SETD3: variants seen among roughly 807,000 people sequenced by gnomAD.
The protein encoded by SETD3 is actin-histidine N-methyltransferase.
A neutral mutation model predicts 63.0 loss-of-function variants in SETD3; 19 were observed. The observed-to-expected ratio is 0.30, with a 90% CI of 0.21 to 0.44. SETD3 has a LOEUF of 0.44. Ranked by LOEUF, SETD3 falls within the 20% of genes least tolerant of loss-of-function variation. SETD3 has a pLI of 1.00. For missense variants in SETD3, 587 were observed against 728.5 expected, an observed-to-expected ratio of 0.81 and a Z score of 2.24; for synonymous variants, 286 against 264.1, an observed-to-expected ratio of 1.08 and a Z score of -0.80.
At chr14:99,446,087 G>A (rs1281704953) in intron 6 of SETD3, among the ~76,000 whole-genome samples, 4 of 152,146 alleles carry the variant, frequency 2.6e-5, no homozygotes, top group South Asian at 2.1e-4. Context: ...CTCAGCTTCC[G>A]CCTTGACTGG....
chr14:99,404,553 C>T (rs1201064569), intron 10 of SETD3, among the ~76,000 whole-genome samples: 2 of 152,162 alleles, frequency 1.3e-5, no homozygotes, highest in Admixed American at 6.5e-5. Flanking sequence ...TTTCCTAGAG[C>T]CTAACAGCTG....
At chr14:99,439,879 C>T (rs986218110) in intron 6 of SETD3, among the ~76,000 whole-genome samples, 2 of 152,106 alleles carry the variant, frequency 1.3e-5, no homozygotes, top group African/African-American at 4.8e-5. Context: ...GCAACCATCA[C>T]TTCCTGGGCT....
At chr14:99,418,742 G>C (rs866150967) in intron 6 of SETD3, among the ~76,000 whole-genome samples, 5 of 152,214 alleles carry the variant, frequency 3.3e-5, no homozygotes, top group African/African-American at 7.2e-5. Context: ...CAATCAGAGA[G>C]AGAATGGGAG....
intron 8 of SETD3, chr14:99,412,435 C>CA (rs1892046612): frequency 6.5e-6 from 1 of 153,212 alleles, no homozygotes; most frequent in Non-Finnish European, 1.5e-5. Context: ...GTAACAAACA[C>CA]AGGTTCATAA....
rs1895647281 is a variant in SETD3 at position 99,470,587 on chromosome 14, C to T, written c.-8-4774G>A. ...TCCAGGGCTCTTCCAGTAAGCCTCC[C>T]CACTGGCTGGGTCTACCCTGTCCGA... On this transcript the variant is annotated intron_variant, in intron 1 of 12. Transcript: ENST00000331768. Among the ~76,000 whole-genome samples, 3 of 152,214 alleles carry T rather than the reference C, an allele frequency of 2.0e-5. No homozygotes were observed. The South Asian group carries it at 6.2e-4, about 32-fold the overall frequency.
rs35026455 is a variant in SETD3 at position 99,461,306 on chromosome 14, A to G, written c.231T>C (p.Asp77=). Residue 77 remains aspartate, a synonymous_variant, in exon 4 of 13, where the codon GAT becomes GAC. Transcript: ENST00000331768. ...LSVTFDGKRE[D]YFPDLMKWAS... ...CCCATTTCATTAGATCAGGAAAGTA[A>G]TCTTCTCTTTTTCCATCAAAAGTAA... The G allele has an allele frequency of 1.8e-3, 2,870 of 1,614,132 alleles. 41 individuals carry two copies. In the African/African-American group the frequency reaches 0.032, roughly 18 times the overall value.
intron 6 of SETD3, among the ~76,000 whole-genome samples, chr14:99,440,766 A>G (rs554919971): frequency 2.0e-4 from 31 of 152,052 alleles, no homozygotes; most frequent in Admixed American, 9.8e-4. Context: ...GGGGCTTGAC[A>G]GTGTTGTGGG....
At chr14:99,441,481 G>A (rs955496477) in intron 6 of SETD3, among the ~76,000 whole-genome samples, 1 of 152,254 alleles carries the variant, frequency 6.6e-6, no homozygotes, top group Non-Finnish European at 1.5e-5. Context: ...CTCCAGGGAA[G>A]GGGACAGATG....
chr14:99,405,548 T>G (rs1891635086), intron 9 of SETD3, among the ~76,000 whole-genome samples, 177 bp from the exon 10 acceptor site: 1 of 152,074 alleles, frequency 6.6e-6, no homozygotes, highest in African/African-American at 2.4e-5. Flanking sequence ...TTCCCAACTT[T>G]CCAAACTGTC....
Position 99,398,670 on chromosome 14 carries a change from C to T in SETD3, c.*9G>A. On this transcript the variant is annotated 3_prime_UTR_variant, in exon 13 of 13. Coordinates refer to ENST00000331768, the MANE Select transcript of SETD3 (RefSeq NM_032233.3). ...CTCCACTGGATCCCCCATCCAGCTT[C>T]ACCTCGAGCTACTCCTTAACTCCAG... The T allele has an allele frequency of 6.2e-7, 1 of 1,609,036 alleles. No individual in the cohort carries two copies. The highest frequency in any genetic ancestry group is 8.5e-7 in the Non-Finnish European group (1 of 1,176,180).
Position 99,404,948 on chromosome 14 carries a change from T to C in SETD3, c.1091+257A>G, listed in dbSNP as rs571996114. ...AAAGACATGAATGATACGAAAGTAG[T>C]TATTTAACTTAATGAGGATTTCAGG... On this transcript the variant is annotated intron_variant, in intron 10 of 12. Coordinates refer to ENST00000331768, the MANE Select transcript of SETD3 (RefSeq NM_032233.3). 2.0e-5 allele frequency among the ~76,000 whole-genome samples: 3 copies of C among 152,316 alleles called. No homozygotes were observed. The South Asian group carries it at 6.2e-4, about 32-fold the overall frequency.
At chr14:99,474,773 T>C (rs1003632399) in intron 1 of SETD3, among the ~76,000 whole-genome samples, 1 of 152,146 alleles carries the variant, frequency 6.6e-6, no homozygotes, top group Non-Finnish European at 1.5e-5. Context: ...AAGGTTGCAA[T>C]GAGCCAAGAT....
At chr14:99,405,135 A>G in intron 10 of SETD3, 70 bp downstream of exon 10, 6 of 1,537,986 alleles carry the variant, frequency 3.9e-6, no homozygotes, top group South Asian at 2.6e-5. Flanking sequence ...TAACACACCA[A>G]TTAAACACTA....
intron 8 of SETD3, among the ~76,000 whole-genome samples, chr14:99,408,424 A>C (rs896303901): frequency 2.0e-5 from 3 of 152,154 alleles, no homozygotes; most frequent in Non-Finnish European, 4.4e-5. Context: ...CACCTTGACA[A>C]CAAAGTGGAA....
chr14:99,445,327 T>G (rs923521990), intron 6 of SETD3, among the ~76,000 whole-genome samples: 1 of 152,256 alleles, frequency 6.6e-6, no homozygotes, highest in Non-Finnish European at 1.5e-5. Context: ...CAACTCACTA[T>G]ACATTCACTC....
chr14:99,401,090 G>C (rs1891364796), intron 11 of SETD3, among the ~76,000 whole-genome samples: 1 of 149,814 alleles, frequency 6.7e-6, no homozygotes, highest in African/African-American at 2.5e-5. Flanking sequence ...AGTGAGCTGT[G>C]ATCGCACCAC....
At chr14:99,452,253 C>T (rs1470720378) in intron 6 of SETD3, among the ~76,000 whole-genome samples, 2 of 152,176 alleles carry the variant, frequency 1.3e-5, no homozygotes, top group Non-Finnish European at 2.9e-5. Context: ...ATTACAGTCA[C>T]GCTCCACCAC....
rs559595993 is a variant in SETD3 at position 99,467,302 on chromosome 14, T to C, written c.-8-1489A>G. Among the ~76,000 whole-genome samples the C allele has an allele frequency of 4.6e-5, 7 of 152,296 alleles. No homozygotes were observed. In the East Asian group the frequency reaches 1.2e-3, roughly 25 times the overall value. The stretch of plus-strand genomic sequence containing the variant: ...AGCAATACAAGGAATTTTTTTTCTG[T>C]GATCAAAAGCAGAAAATTTAAGTGA... On this transcript the variant is annotated intron_variant, in intron 1 of 12. Coordinates refer to ENST00000331768, the MANE Select transcript of SETD3 (RefSeq NM_032233.3).
chr14:99,403,267 C>T (rs548176552), intron 11 of SETD3, among the ~76,000 whole-genome samples: 1 of 152,332 alleles, frequency 6.6e-6, no homozygotes, highest in South Asian at 2.1e-4. Flanking sequence ...AGCACAGCAG[C>T]TTCCCCCACA....
Sources: gnomAD v4.1 joint callset for allele counts (sites outside exome capture counted in the v4.1 genomes callset) on GRCh38, gnomAD v4.1.1 for gene constraint, MANE v1.5 for transcripts, NCBI Gene and HGNC (gene_info 2026-07-23, HGNC 2026-07-21) for gene names.